Variants in DAPK2 observed in about 807,000 individuals in gnomAD.
DAPK2 encodes death associated protein kinase 2.
A neutral mutation model predicts 44.1 loss-of-function variants in DAPK2; 35 were observed. The observed-to-expected ratio is 0.79, with a 90% CI of 0.61 to 1.05. The LOEUF (loss-of-function observed/expected upper bound fraction) is 1.05. DAPK2 is among the 50% of genes least tolerant of loss of function. DAPK2 has a pLI of 0.00. For missense variants in DAPK2, 453 were observed against 483.2 expected (o/e 0.94, Z 0.59); for synonymous variants, 174 against 182.6 (o/e 0.95, Z 0.38).
chr15:64,039,011 C>T (rs1344670352), intron 1 of DAPK2, among the ~76,000 whole-genome samples: 1 of 152,186 alleles, frequency 6.6e-6, no homozygotes, highest in African/African-American at 2.4e-5. Context: ...CCCATTAGAG[C>T]CTTCCCATCT....
In DAPK2 at chr15:63,923,812, C is replaced by A. The variant is rs971037217; in HGVS notation, c.858+1004G>T. Among the ~76,000 whole-genome samples the A allele has an allele frequency of 6.6e-6, 1 of 152,246 alleles. No individual in the cohort carries two copies. The highest frequency in any genetic ancestry group is 1.5e-5 in the Non-Finnish European group (1 of 68,048). ...ACGACTCCAGCCCTCCCTGTTCTGT[C>A]TTCCACAGGCCTCACCTTCTCTTTG... On this transcript the variant is annotated intron_variant, in intron 8 of 10. Transcript: ENST00000261891. The surrounding 1 kb of genome is among the most constrained non-coding windows in gnomAD (Gnocchi z 4.2).
At chr15:63,936,678 T>C (rs867464629) in intron 4 of DAPK2, among the ~76,000 whole-genome samples, 7 of 151,488 alleles carry the variant, frequency 4.6e-5, no homozygotes, top group African/African-American at 1.7e-4. Context: ...AGAAAATTTT[T>C]CTCAAGAATC....
chr15:64,037,495 C>T (rs1043327847), intron 1 of DAPK2, among the ~76,000 whole-genome samples: 6 of 152,220 alleles, frequency 3.9e-5, no homozygotes, highest in African/African-American at 1.4e-4. Flanking sequence ...CCTTTAGCAT[C>T]CACTTGTCTA....
intron 1 of DAPK2, among the ~76,000 whole-genome samples, chr15:64,026,903 G>A (rs2079863547): frequency 6.6e-6 from 1 of 152,104 alleles, no homozygotes; most frequent in South Asian, 2.1e-4. Context: ...CTATTATGTT[G>A]GCCTTACCTA....
At chr15:64,021,370 C>A (rs1266325310) in intron 1 of DAPK2, among the ~76,000 whole-genome samples, 1 of 152,158 alleles carries the variant, frequency 6.6e-6, no homozygotes, top group Non-Finnish European at 1.5e-5. Flanking sequence ...CTGCCCCACC[C>A]CCTCCAGACA....
At chr15:63,935,634 A>G (rs1038961743) in intron 4 of DAPK2, 2 of 151,986 alleles carry the variant, frequency 1.3e-5, no homozygotes, top group Non-Finnish European at 1.5e-5. Context: ...CCTGGTATAT[A>G]TTGTCCTTTC....
At position 64,020,636 on chromosome 15, in the gene DAPK2, G is replaced by T. The variant is rs993482150; in HGVS notation, c.92+19534C>A. On this transcript the variant is annotated intron_variant, in intron 1 of 10. Coordinates refer to ENST00000261891, the Ensembl canonical transcript of DAPK2. This position sits in a 1 kb window ranked among gnomAD's most constrained non-coding sequence, Gnocchi z 4.5. Reference sequence around the variant, plus strand: ...AGACACACCCATTTGATAGCGAAAAGAAATCTAGGCTTAAAGAAAAATATT... The same window carrying T: ...AGACACACCCATTTGATAGCGAAAATAAATCTAGGCTTAAAGAAAAATATT... 5.3e-5 allele frequency among the ~76,000 whole-genome samples: 8 copies of T among 152,300 alleles called. No individual in the cohort carries two copies. The highest frequency in any genetic ancestry group is 3.9e-4 in the Admixed American group (6 of 15,296).
chr15:63,983,843 A>C, intron 1 of DAPK2, 89 bp from the exon 3 acceptor site: 4 of 1,293,922 alleles, frequency 3.1e-6, no homozygotes, highest in Non-Finnish European at 4.3e-6. Context: ...ACACAAATTC[A>C]GAGTGATTCT....
chr15:63,973,833 G>T (rs2078276884), intron 2 of DAPK2, among the ~76,000 whole-genome samples: 1 of 152,124 alleles, frequency 6.6e-6, no homozygotes, highest in Admixed American at 6.6e-5. Flanking sequence ...AAAGACCTAG[G>T]TTCCATTCCA....
intron 3 of DAPK2, among the ~76,000 whole-genome samples, chr15:63,964,194 T>C (rs1014093431): frequency 6.6e-6 from 1 of 152,246 alleles, no homozygotes; most frequent in Non-Finnish European, 1.5e-5. Context: ...TTCTCCTTTA[T>C]GTTTGAAGGA....
At chr15:63,919,292 G>C (rs982593598) in intron 8 of DAPK2, 18 of 152,318 alleles carry the variant, frequency 1.2e-4, no homozygotes, top group African/African-American at 4.3e-4. Flanking sequence ...CATGAGCATA[G>C]AGAGGACGAT....
intron 4 of DAPK2, among the ~76,000 whole-genome samples, 190 bp from the exon 6 acceptor site, chr15:63,930,645 G>A (rs758275496): frequency 7.9e-5 from 12 of 152,094 alleles, no homozygotes; most frequent in South Asian, 2.1e-4. Flanking sequence ...ATGTTTGTGC[G>A]TCCCCAAATT....
At position 63,966,713 on chromosome 15, in the gene DAPK2, A is replaced by G. The variant is rs2140691341; in HGVS notation, c.453+4710T>C. Among the ~76,000 whole-genome samples the G allele has an allele frequency of 6.6e-6, 1 of 152,232 alleles. No homozygotes were observed. The highest frequency in any genetic ancestry group is 2.1e-4 in the South Asian group (1 of 4,830). ...TTGCTTTCTGCTGTGACAGGGCAGCACTGAGTTTCAATGCAAAGTCCCACA... is the reference window on the plus strand; with the variant it reads ...TTGCTTTCTGCTGTGACAGGGCAGCGCTGAGTTTCAATGCAAAGTCCCACA... On this transcript the variant is annotated intron_variant, in intron 3 of 10. Coordinates refer to ENST00000261891, the Ensembl canonical transcript of DAPK2. This position sits in a 1 kb window ranked among gnomAD's most constrained non-coding sequence, Gnocchi z 5.5.
chr15:63,969,807 G>T (rs1341345829), intron 3 of DAPK2, among the ~76,000 whole-genome samples: 1 of 152,038 alleles, frequency 6.6e-6, no homozygotes, highest in Non-Finnish European at 1.5e-5. Context: ...CTCATAGAAG[G>T]TCACCCTATC....
chr15:64,008,154 G>A (rs146611755), intron 1 of DAPK2, among the ~76,000 whole-genome samples: 126 of 152,172 alleles, frequency 8.3e-4, no homozygotes, highest in African/African-American at 2.7e-3. Flanking sequence ...CACTATATGC[G>A]AATGTACTAA....
chr15:64,007,128 G>GAA (rs140535848), intron 1 of DAPK2, among the ~76,000 whole-genome samples: 1 of 151,074 alleles, frequency 6.6e-6, no homozygotes, highest in African/African-American at 2.4e-5. Flanking sequence ...CTAGCTAATT[G>GAA]AAAAAAAAAT....
intron 7 of DAPK2, 51 bp downstream of exon 8, chr15:63,925,890 G>A (rs773966508): frequency 8.1e-6 from 13 of 1,610,904 alleles, no homozygotes; most frequent in South Asian, 7.7e-5. Flanking sequence ...TGACAGAGGC[G>A]ACAGGAAGGG....
intron 1 of DAPK2, among the ~76,000 whole-genome samples, chr15:64,005,794 T>G (rs2079210766): frequency 6.6e-6 from 1 of 152,060 alleles, no homozygotes; most frequent in South Asian, 2.1e-4. Flanking sequence ...CTCAAGAGGC[T>G]GAGGTGGGAG....
chr15:63,929,064 G>A (rs1181178855), intron 6 of DAPK2, among the ~76,000 whole-genome samples: 1 of 152,158 alleles, frequency 6.6e-6, no homozygotes, highest in Non-Finnish European at 1.5e-5. Flanking sequence ...GCCAGGTGTG[G>A]TGGTGGGTGC....
Sources: gnomAD v4.1 joint callset for allele counts (sites outside exome capture counted in the v4.1 genomes callset) on GRCh38, gnomAD v4.1.1 for gene constraint, Gnocchi (gnomAD v3.1) non-coding constraint, MANE v1.5 for transcripts, NCBI Gene and HGNC (gene_info 2026-07-23, HGNC 2026-07-21) for gene names.